CBFA2T3: variants seen among roughly 807,000 people sequenced by gnomAD.
CBFA2T3 encodes the protein transcriptional corepressor CBFA2T3.
A neutral mutation model predicts 58.6 loss-of-function variants in CBFA2T3; 31 were observed. That is an observed-to-expected ratio of 0.53 (90% CI 0.40 to 0.71). The LOEUF is 0.71. CBFA2T3 is among the 30% of genes least tolerant of loss of function. The pLI is 0.00. For synonymous variants in CBFA2T3, 531 were observed against 421.9 expected (o/e 1.26, Z -3.17); for missense variants, 1,076 against 963.1 (o/e 1.12, Z -1.55).
chr16:88,901,506 G>C lies in CBFA2T3; in HGVS notation c.302C>G (p.Thr101Arg). ...ATRPPSFTPH[T>R]HREDGPATLP... Reference sequence around the variant, plus strand: ...GCTGCCAGGTGGGGGCTACTTACGTGTGTGTGGCGTGAAGGAGGGGGGGCG... The same window carrying C: ...GCTGCCAGGTGGGGGCTACTTACGTCTGTGTGGCGTGAAGGAGGGGGGGCG... The change falls in exon 2 of 12, where the codon ACA becomes AGA. Residue 101 changes from threonine (T) to arginine (R), a missense_variant and splice_region_variant. Coordinates refer to ENST00000268679, the MANE Select transcript of CBFA2T3 (RefSeq NM_005187.6). The C allele has an allele frequency of 6.8e-7, 1 of 1,469,766 alleles. No individual in the cohort carries two copies. The highest frequency in any genetic ancestry group is 9.0e-7 in the Non-Finnish European group (1 of 1,112,904). 91.0% of individuals were successfully genotyped at this position (1,469,766 alleles called of 1,614,324 possible). A position where few individuals can be genotyped will look rare whatever the true frequency, so the allele number is the denominator to read the frequency against.
intron 3 of CBFA2T3, 28 bp downstream of exon 3, chr16:88,898,050 G>A (rs1318697059): frequency 1.2e-5 from 19 of 1,557,628 alleles, no homozygotes; most frequent in Non-Finnish European, 1.7e-5. Flanking sequence ...CCTCTGGGGA[G>A]GCCTGCGGTT....
In CBFA2T3 at chr16:88,901,659, G is replaced by A. The variant is rs1970103624; in HGVS notation, c.152-3C>T. 2.0e-6 allele frequency: 3 copies of A among 1,524,708 alleles called. No homozygotes were observed. The highest frequency in any genetic ancestry group is 1.3e-5 in the South Asian group (1 of 77,230). The allele number at this position is 1,524,708 out of a possible 1,614,324, so 94.4% of individuals were successfully genotyped here. On this transcript the variant is annotated splice_region_variant and splice_polypyrimidine_tract_variant and intron_variant, in intron 1 of 11. Transcript: ENST00000268679. ...CTTAGCTTTCCTGTCCACTGGGGCT[G>A]CGACCAACGGAGAAAGAAAGAGTCG...
intron 5 of CBFA2T3, among the ~76,000 whole-genome samples, chr16:88,890,507 G>A (rs143435543): frequency 2.2e-4 from 33 of 152,318 alleles, no homozygotes; most frequent in Admixed American, 3.9e-4. Context: ...ACGGAACCCT[G>A]ACCCCAACAC....
In CBFA2T3 at chr16:88,962,104, A is replaced by G. The variant is rs71395371; in HGVS notation, c.151+14553T>C. Among the ~76,000 whole-genome samples, 1,277 of 143,856 alleles carry G rather than the reference A, an allele frequency of 8.9e-3. 25 individuals are homozygous for G. The highest frequency in any genetic ancestry group is 0.031 in the African/African-American group (1,215 of 38,768). The allele number at this position is 143,856 out of a possible 152,430, so 94.4% of individuals were successfully genotyped here. The stretch of plus-strand genomic sequence containing the variant: ...CATAGTAACCGACACTCAGCACTGG[A>G]CATTCCCACTGCATAGTAACCAACA... On this transcript the variant is annotated intron_variant, in intron 1 of 11. Transcript: ENST00000268679.
At chr16:88,920,379 T>G (rs920788605) in intron 1 of CBFA2T3, among the ~76,000 whole-genome samples, 2 of 151,932 alleles carry the variant, frequency 1.3e-5, no homozygotes, top group African/African-American at 4.8e-5. Flanking sequence ...CAGGTTCAAG[T>G]GATTCTTGTG....
rs1968855189 is a variant in CBFA2T3 at position 88,876,965 on chromosome 16, G to A, written c.*11C>T. On this transcript the variant is annotated 3_prime_UTR_variant, in exon 12 of 12. Transcript: ENST00000268679. ...ACGGTGCTGTGTCCGGCAGGCCAGG[G>A]GCCAGTGGGGTCAGCGGGGCACGGT... 2.8e-6 allele frequency: 4 copies of A among 1,423,922 alleles called. No homozygotes were observed. The highest frequency in any genetic ancestry group is 1.8e-6 in the Non-Finnish European group (2 of 1,094,222). The allele number at this position is 1,423,922 out of a possible 1,614,324, so 88.2% of individuals were successfully genotyped here. A position where few individuals can be genotyped will look rare whatever the true frequency, so the allele number is the denominator to read the frequency against.
At chr16:88,882,138 G>A (rs1969110481) in intron 8 of CBFA2T3, among the ~76,000 whole-genome samples, 1 of 152,254 alleles carries the variant, frequency 6.6e-6, no homozygotes, top group Admixed American at 6.5e-5. Context: ...GGAGGAGGGG[G>A]GCTCAGGTGA....
intron 3 of CBFA2T3, among the ~76,000 whole-genome samples, chr16:88,894,182 T>C (rs1025185410): frequency 4.7e-5 from 7 of 149,034 alleles, no homozygotes; most frequent in Admixed American, 1.3e-4. Context: ...CACACATGCA[T>C]ACATATACAC....
At chr16:88,905,643 C>T (rs1970283566) in intron 1 of CBFA2T3, among the ~76,000 whole-genome samples, 1 of 146,198 alleles carries the variant, frequency 6.8e-6, no homozygotes, top group South Asian at 2.2e-4. Flanking sequence ...AGTGGAGCGC[C>T]ATGATCAGGG....
In CBFA2T3 at chr16:88,879,518, G is replaced by A. The variant is rs755181978; in HGVS notation, c.1472-58C>T. ...ATGGGCCATCCCAGATGGGTCTCTG[G>A]ACTTCCTACGCGTGGCCACAACCTG... On this transcript the variant is annotated intron_variant, in intron 10 of 11. Coordinates refer to ENST00000268679, the MANE Select transcript of CBFA2T3 (RefSeq NM_005187.6). 4.0e-6 allele frequency: 6 copies of A among 1,517,612 alleles called. No individual in the cohort carries two copies. The African/African-American group carries it at 5.5e-5, about 14-fold the overall frequency. The allele number at this position is 1,517,612 out of a possible 1,614,324, so 94.0% of individuals were successfully genotyped here. A position where few individuals can be genotyped will look rare whatever the true frequency, so the allele number is the denominator to read the frequency against.
intron 1 of CBFA2T3, among the ~76,000 whole-genome samples, chr16:88,915,075 G>A (rs1309674130): frequency 1.3e-5 from 2 of 151,536 alleles, no homozygotes; most frequent in Non-Finnish European, 2.9e-5. Context: ...TGGGAGTCCT[G>A]GGGGTAGCGG....
rs941898265 is a variant in CBFA2T3, at chr16:88,925,307, G to A, written c.152-23651C>T. The stretch of plus-strand genomic sequence containing the variant: ...CAGCTGCTCGGGGGAGACCCACAAG[G>A]GGCCTGCTCTGCTGCTCCCTCCTGA... On this transcript the variant is annotated intron_variant, in intron 1 of 11. Coordinates refer to ENST00000268679, the MANE Select transcript of CBFA2T3 (RefSeq NM_005187.6). 3.9e-5 allele frequency among the ~76,000 whole-genome samples: 6 copies of A among 152,330 alleles called. No homozygotes were observed. The East Asian group carries it at 9.6e-4, about 24-fold the overall frequency.
At chr16:88,878,378 C>T (rs975696085) in intron 11 of CBFA2T3, among the ~76,000 whole-genome samples, 28 of 152,230 alleles carry the variant, frequency 1.8e-4, no homozygotes, top group African/African-American at 6.3e-4. Flanking sequence ...GGCCCAGGCA[C>T]AGATGCACAC....
At chr16:88,924,939 T>C (rs1971037149) in intron 1 of CBFA2T3, among the ~76,000 whole-genome samples, 1 of 152,156 alleles carries the variant, frequency 6.6e-6, no homozygotes, top group African/African-American at 2.4e-5. Flanking sequence ...CCACCACGTG[T>C]GGGTGCAGAC....
In CBFA2T3 at chr16:88,876,780, A is replaced by G; in HGVS notation, c.*196T>C. ...TAGGTAGCTGAGGCAGGTGCACTGA[A>G]TGCGGTTTTGTTGGTTCTGTGTCTT... On this transcript the variant is annotated 3_prime_UTR_variant, in exon 12 of 12. Transcript: ENST00000268679. The G allele has an allele frequency of 4.0e-6, 2 of 494,958 alleles. No individual in the cohort carries two copies. The highest frequency in any genetic ancestry group is 8.2e-5 in the Admixed American group (2 of 24,304). 30.7% of individuals were successfully genotyped at this position (494,958 alleles called of 1,614,324 possible).
intron 1 of CBFA2T3, among the ~76,000 whole-genome samples, chr16:88,930,257 T>C (rs948673119): frequency 1.3e-5 from 2 of 149,308 alleles, no homozygotes; most frequent in Admixed American, 1.3e-4. Flanking sequence ...AAGCTACCCA[T>C]GCCCACAGCT....
At chr16:88,927,229 G>T (rs964874203) in intron 1 of CBFA2T3, among the ~76,000 whole-genome samples, 2 of 152,206 alleles carry the variant, frequency 1.3e-5, no homozygotes, top group African/African-American at 4.8e-5. Flanking sequence ...GTGGCTCAGA[G>T]ATGTCAGCGT....
intron 1 of CBFA2T3, among the ~76,000 whole-genome samples, chr16:88,923,454 A>G (rs16965180): frequency 0.35 from 53,424 of 151,738 alleles, 9,585 homozygotes; most frequent in Middle Eastern, 0.44. Flanking sequence ...ACCTTTGGCC[A>G]CCCATGTTAC....
intron 1 of CBFA2T3, among the ~76,000 whole-genome samples, chr16:88,969,986 T>C (rs1354842329): frequency 6.9e-6 from 1 of 144,486 alleles, no homozygotes; most frequent in Non-Finnish European, 1.5e-5. Context: ...CTGGCCCCAC[T>C]CCTCCCAGGG....
Sources: gnomAD v4.1 joint callset for allele counts (sites outside exome capture counted in the v4.1 genomes callset) on GRCh38, gnomAD v4.1.1 for gene constraint, MANE v1.5 for transcripts, NCBI Gene and HGNC (gene_info 2026-07-23, HGNC 2026-07-21) for gene names.